Variants in ZNF407 observed in about 807,000 individuals in gnomAD.
The protein encoded by ZNF407 is zinc finger protein 407.
ZNF407 carries 17 observed loss-of-function variants against 131.2 expected under a neutral mutation model. The ratio of observed to expected loss-of-function variants is 0.13; its 90% CI spans 0.09 to 0.19. ZNF407 has a LOEUF of 0.19. Among genes scored for constraint, ZNF407 ranks in the 10% least tolerant of loss-of-function variants. The pLI is 1.00. For synonymous variants in ZNF407, 1,156 were observed against 1,062.0 expected (o/e 1.09, Z -1.72); for missense variants, 2,681 against 2,830.6 (o/e 0.95, Z 1.20).
chr18:74,881,617 A>G (rs998651960), intron 6 of ZNF407, among the ~76,000 whole-genome samples: 4 of 152,054 alleles, frequency 2.6e-5, no homozygotes, highest in African/African-American at 7.3e-5. Flanking sequence ...CTGTCTATCA[A>G]TCCATCTGTG....
chr18:74,852,164 T>TACACAC (rs10539805), intron 4 of ZNF407, among the ~76,000 whole-genome samples: 301 of 149,658 alleles, frequency 2.0e-3, no homozygotes, highest in African/African-American at 1.8e-3. Flanking sequence ...GGATGCATGC[T>TACACAC]ACACACACAC....
intron 8 of ZNF407, among the ~76,000 whole-genome samples, chr18:75,036,988 T>C (rs991440929): frequency 6.6e-6 from 1 of 152,226 alleles, no homozygotes; most frequent in African/African-American, 2.4e-5. Flanking sequence ...AGCGTCGAGC[T>C]GAGGCATCAA....
chr18:74,871,540 A>G (rs1971087180), intron 4 of ZNF407, among the ~76,000 whole-genome samples: 1 of 152,280 alleles, frequency 6.6e-6, no homozygotes, highest in East Asian at 1.9e-4. Flanking sequence ...GTAGTTTTAC[A>G]GTAATTTTTA....
At chr18:74,934,645 A>C (rs992038225) in intron 8 of ZNF407, among the ~76,000 whole-genome samples, 1 of 152,190 alleles carries the variant, frequency 6.6e-6, no homozygotes, top group South Asian at 2.1e-4. Context: ...GTCTCTACTA[A>C]AAATACAAAA....
At chr18:74,929,224 G>C (rs1050374529) in intron 8 of ZNF407, among the ~76,000 whole-genome samples, 1 of 152,138 alleles carries the variant, frequency 6.6e-6, no homozygotes, top group Non-Finnish European at 1.5e-5. Context: ...GTGATGGCCT[G>C]TATGATTCGA....
intron 8 of ZNF407, among the ~76,000 whole-genome samples, chr18:74,986,893 A>T (rs1163408287): frequency 6.6e-6 from 1 of 152,208 alleles, no homozygotes; most frequent in Non-Finnish European, 1.5e-5. Context: ...GAGATTTTTT[A>T]AAATGTATTA....
chr18:74,939,221 A>G (rs1477382473), intron 8 of ZNF407, among the ~76,000 whole-genome samples: 1 of 152,188 alleles, frequency 6.6e-6, no homozygotes, highest in Non-Finnish European at 1.5e-5. Context: ...CTTTACTCTT[A>G]CTTTGTTTTG....
intron 1 of ZNF407, among the ~76,000 whole-genome samples, chr18:74,616,682 G>A (rs1983301410): frequency 6.6e-6 from 1 of 151,568 alleles, no homozygotes; most frequent in African/African-American, 2.4e-5. Flanking sequence ...CTGTTGCAAT[G>A]TTTACCCATT....
At position 74,772,088 on chromosome 18, in the gene ZNF407, T is replaced by A. The variant is rs1325226322; in HGVS notation, c.4803-9340T>A. Among the ~76,000 whole-genome samples the A allele has an allele frequency of 2.6e-5, 4 of 152,306 alleles. No individual in the cohort carries two copies. The East Asian group carries it at 7.7e-4, about 29-fold the overall frequency. ...AAAGGTCACCAGGCATGAATTCTAC[T>A]TTTGCATTTTCAGCTTCTTTGCCCC... On this transcript the variant is annotated intron_variant, in intron 3 of 8. Coordinates refer to ENST00000299687, the MANE Select transcript of ZNF407 (RefSeq NM_017757.3).
At chr18:74,971,259 G>A (rs926657503) in intron 8 of ZNF407, among the ~76,000 whole-genome samples, 2 of 152,214 alleles carry the variant, frequency 1.3e-5, no homozygotes, top group African/African-American at 4.8e-5. Flanking sequence ...CATAGGTTTG[G>A]GGATTAACAT....
At chr18:74,889,823 GAAAT>G in intron 6 of ZNF407, 91 bp from the exon 7 acceptor site, 1 of 1,137,566 alleles carries the variant, frequency 8.8e-7, no homozygotes, top group Non-Finnish European at 1.3e-6. Flanking sequence ...ACATTTCATG[GAAAT>G]AAATGTTTTT....
intron 3 of ZNF407, among the ~76,000 whole-genome samples, chr18:74,664,516 C>G (rs1985851523): frequency 6.6e-6 from 1 of 152,068 alleles, no homozygotes; most frequent in Non-Finnish European, 1.5e-5. Flanking sequence ...AACAAACAAA[C>G]AAAAGGACAT....
chr18:74,711,294 T>C (rs1000166314), intron 3 of ZNF407, among the ~76,000 whole-genome samples: 1 of 152,166 alleles, frequency 6.6e-6, no homozygotes, highest in Non-Finnish European at 1.5e-5. Context: ...TTATTTTGCC[T>C]GGCAAAGGGG....
At chr18:74,857,149 C>A (rs917885476) in intron 4 of ZNF407, among the ~76,000 whole-genome samples, 3 of 152,180 alleles carry the variant, frequency 2.0e-5, no homozygotes, top group African/African-American at 7.2e-5. Flanking sequence ...ATGGGCAAGG[C>A]CGATTTAAAC....
intron 7 of ZNF407, among the ~76,000 whole-genome samples, chr18:74,890,508 A>G (rs190339820): frequency 2.7e-4 from 41 of 152,334 alleles, no homozygotes; most frequent in Admixed American, 6.5e-4. Context: ...ATTTTCTATA[A>G]TCTTAACATT....
rs1293828328 is a variant in ZNF407, at chr18:74,853,658, T to C, written c.4878-23539T>C. ...TGCAGCGCTACCTGTCAGAACCATC[T>C]GTACTTCTGCCCATTTCCAGCATGT... On this transcript the variant is annotated intron_variant, in intron 4 of 8. Transcript: ENST00000299687. Among the ~76,000 whole-genome samples the C allele has an allele frequency of 2.0e-5, 3 of 152,250 alleles. No homozygotes were observed. The East Asian group carries it at 5.8e-4, about 29-fold the overall frequency.
intron 8 of ZNF407, among the ~76,000 whole-genome samples, chr18:75,056,332 GA>G (rs1374286536): frequency 2.0e-5 from 3 of 152,196 alleles, no homozygotes; most frequent in African/African-American, 7.2e-5. Flanking sequence ...TCTAACCATT[GA>G]AAATAATGGA....
chr18:74,718,111 G>A (rs1355416399), intron 3 of ZNF407, among the ~76,000 whole-genome samples: 1 of 151,792 alleles, frequency 6.6e-6, no homozygotes, highest in Non-Finnish European at 1.5e-5. Context: ...ACATTTTGAT[G>A]GGTTCTGACA....
At chr18:74,867,285 T>C (rs1971026346) in intron 4 of ZNF407, among the ~76,000 whole-genome samples, 1 of 152,208 alleles carries the variant, frequency 6.6e-6, no homozygotes, top group Non-Finnish European at 1.5e-5. Context: ...CTATACGATA[T>C]ACGATAGACC....
Sources: gnomAD v4.1 joint callset for allele counts (sites outside exome capture counted in the v4.1 genomes callset) on GRCh38, gnomAD v4.1.1 for gene constraint, MANE v1.5 for transcripts, NCBI Gene and HGNC (gene_info 2026-07-23, HGNC 2026-07-21) for gene names.